The following KTN1 variants were observed in gnomAD, a reference collection of about 807,000 sequenced individuals.
KTN1 encodes the protein kinectin.
In KTN1, 130 loss-of-function variants were observed where a neutral mutation model predicts 222.5. The observed-to-expected ratio is 0.58, with a 90% CI of 0.51 to 0.68. KTN1 has a LOEUF of 0.68. Among genes scored for constraint, KTN1 ranks in the 30% least tolerant of loss-of-function variants. The pLI is 0.00. For missense variants in KTN1, 1,508 were observed against 1,500.4 expected, an observed-to-expected ratio of 1.01 and a Z score of -0.08; for synonymous variants, 512 against 496.3, an observed-to-expected ratio of 1.03 and a Z score of -0.42.
At chr14:55,610,903 G>A (rs1040652004) in intron 1 of KTN1, among the ~76,000 whole-genome samples, 2 of 152,150 alleles carry the variant, frequency 1.3e-5, no homozygotes, top group African/African-American at 4.8e-5. Context: ...CCCCCTTCCC[G>A]CCCCGGGCGT....
At chr14:55,634,253 AC>A in intron 8 of KTN1, among the ~76,000 whole-genome samples, 1 of 152,180 alleles carries the variant, frequency 6.6e-6, no homozygotes, top group Non-Finnish European at 1.5e-5. Flanking sequence ...GATTTTTAAT[AC>A]GTTTTCAGAA....
chr14:55,600,361 A>G (rs1321319546), intron 1 of KTN1, among the ~76,000 whole-genome samples: 1 of 152,146 alleles, frequency 6.6e-6, no homozygotes, highest in Non-Finnish European at 1.5e-5. Context: ...ATTTAATTTC[A>G]TTAAGTTTAA....
chr14:55,647,960 TATAATA>T (rs1313767490), intron 19 of KTN1, 59 bp from the exon 20 acceptor site: 1 of 487,024 alleles, frequency 2.1e-6, no homozygotes. Context: ...AAATAATAAT[TATAATA>T]ATAATATCAT....
Position 55,673,204 on chromosome 14 carries a change from A to G in KTN1, c.3720A>G (p.Lys1240=). The G allele has an allele frequency of 6.2e-7, 1 of 1,613,242 alleles. No homozygotes were observed. The highest frequency in any genetic ancestry group is 8.5e-7 in the Non-Finnish European group (1 of 1,179,492). Residue 1240 remains lysine (K), a synonymous_variant, in exon 40 of 44, where the codon AAA becomes AAG. Transcript: ENST00000395314. ...LKDLLTELQK[K]LDDSYSEAVR... is the part of the protein sequence containing the mutation. ...ATCTGTTGACTGAATTGCAGAAAAA[A>G]CTTGATGATTCATATTCTGAAGCAG...
intron 1 of KTN1, 25 bp from the exon 2 acceptor site, chr14:55,611,994 T>G (rs2037649095): frequency 9.9e-7 from 1 of 1,009,980 alleles, no homozygotes; most frequent in East Asian, 2.9e-5. Context: ...TTTTTTTTTT[T>G]GTCCCCACCT....
intron 4 of KTN1, 63 bp from the exon 5 acceptor site, chr14:55,619,119 T>C: frequency 7.4e-7 from 1 of 1,351,626 alleles, no homozygotes; most frequent in Non-Finnish European, 1.0e-6. Flanking sequence ...TTACCTTTGC[T>C]GAAGTTATTA....
intron 1 of KTN1, among the ~76,000 whole-genome samples, chr14:55,588,963 C>A (rs572522099): frequency 3.0e-4 from 45 of 151,124 alleles, no homozygotes; most frequent in Middle Eastern, 3.4e-3. Flanking sequence ...AAAAATTTTC[C>A]AATATAGTTA....
chr14:55,670,236 T>A (rs146684815), intron 34 of KTN1, among the ~76,000 whole-genome samples: 166 of 152,140 alleles, frequency 1.1e-3, no homozygotes, highest in African/African-American at 3.9e-3. Context: ...CTTGGAGCAT[T>A]TTCACAGAAT....
At chr14:55,587,165 A>G (rs947908955) in intron 1 of KTN1, among the ~76,000 whole-genome samples, 5 of 152,158 alleles carry the variant, frequency 3.3e-5, no homozygotes, top group East Asian at 1.9e-4. Context: ...ATTTGAATGA[A>G]TGGATGGTCT....
intron 8 of KTN1, among the ~76,000 whole-genome samples, chr14:55,634,222 T>C (rs2040858575): frequency 6.6e-6 from 1 of 152,160 alleles, no homozygotes; most frequent in African/African-American, 2.4e-5. Context: ...GTAATACCGG[T>C]ACACAGTACC....
intron 7 of KTN1, among the ~76,000 whole-genome samples, chr14:55,632,526 G>A (rs1197923328): frequency 1.3e-5 from 2 of 152,080 alleles, no homozygotes; most frequent in East Asian, 3.9e-4. Flanking sequence ...GTCGCCAGGG[G>A]CTGCAGGGAG....
intron 1 of KTN1, among the ~76,000 whole-genome samples, chr14:55,590,316 A>G (rs1220638962): frequency 2.0e-5 from 3 of 152,232 alleles, no homozygotes; most frequent in African/African-American, 7.2e-5. Flanking sequence ...CAGTTTAAAG[A>G]TTAAATATAA....
chr14:55,583,338 A>G (rs1315211165), intron 1 of KTN1, among the ~76,000 whole-genome samples: 2 of 152,240 alleles, frequency 1.3e-5, no homozygotes, highest in African/African-American at 4.8e-5. Context: ...TAGGCAAGAT[A>G]TACTTTTAAT....
intron 1 of KTN1, among the ~76,000 whole-genome samples, chr14:55,600,218 AAG>A (rs1354207381): frequency 6.6e-6 from 1 of 151,676 alleles, no homozygotes; most frequent in Non-Finnish European, 1.5e-5. Context: ...TGATACACCT[AAG>A]AGTTATTTTA....
rs2046184538 is a variant in KTN1, at chr14:55,679,557, C to T, written c.3949-8C>T. 1 of 1,598,858 alleles carries T rather than the reference C, an allele frequency of 6.3e-7. No homozygotes were observed. The highest frequency in any genetic ancestry group is 8.5e-7 in the Non-Finnish European group (1 of 1,171,408). On this transcript the variant is annotated splice_region_variant and splice_polypyrimidine_tract_variant and intron_variant, in intron 42 of 43. Transcript: ENST00000395314. ...TGGAGTTTATCATCACTTCCATCTTCTTTTTAGGAGTCTTCTGAGAAGGAG... is the reference window on the plus strand; with the variant it reads ...TGGAGTTTATCATCACTTCCATCTTTTTTTTAGGAGTCTTCTGAGAAGGAG...
chr14:55,651,982 G>C (rs1260451203), intron 25 of KTN1, 55 bp downstream of exon 25: 6 of 1,077,424 alleles, frequency 5.6e-6, no homozygotes, highest in South Asian at 4.3e-5. Flanking sequence ...GAGTTAAATA[G>C]AAGTATAATG....
rs754027532 is a variant in KTN1 at position 55,619,326 on chromosome 14, T to C, written c.963+14T>C. The C allele has an allele frequency of 1.2e-6, 2 of 1,612,176 alleles. No homozygotes were observed. The highest frequency in any genetic ancestry group is 2.7e-5 in the African/African-American group (2 of 74,846). On this transcript the variant is annotated intron_variant, in intron 5 of 43. Coordinates refer to ENST00000395314, the MANE Select transcript of KTN1 (RefSeq NM_001079521.2). ...GCTTTAAAGAAGGTAAGCGTGTTTTTTGATTATGGGCATATTCATGACCAG... is the reference window on the plus strand; with the variant it reads ...GCTTTAAAGAAGGTAAGCGTGTTTTCTGATTATGGGCATATTCATGACCAG...
chr14:55,651,857 T>C (rs2141122137), intron 24 of KTN1, 33 bp from the exon 25 acceptor site: 1 of 1,409,568 alleles, frequency 7.1e-7, no homozygotes, highest in Non-Finnish European at 9.9e-7. Context: ...TTGAAAGGAT[T>C]ATTAATTGAT....
At chr14:55,662,148 A>C (rs55927221) in intron 32 of KTN1, among the ~76,000 whole-genome samples, 46,950 of 149,106 alleles carry the variant, frequency 0.31, 7,584 homozygotes, top group South Asian at 0.38. Context: ...CTCACTGCAA[A>C]CTCGGCCTCC....
Sources: allele counts gnomAD v4.1 joint callset (sites outside exome capture counted in the v4.1 genomes callset), GRCh38; gene constraint gnomAD v4.1.1; transcripts MANE v1.5; gene names NCBI Gene and HGNC (gene_info 2026-07-23, HGNC 2026-07-21).